The following CIRSR variants were observed in gnomAD, a reference collection of about 807,000 sequenced individuals.
The protein encoded by CIRSR is corepressor of RBPJ and splicing regulator, also known as CBF1 (RBPJ) interacting corepressor 1.
the CIRSR span, among the ~76,000 whole-genome samples, chr2:174,354,672 A>ATATATTTTTATATATTATATAATATATAT: frequency 1.0e-5 from 1 of 96,088 alleles, no homozygotes; most frequent in African/African-American, 4.2e-5. Flanking sequence ...AATATATATT[A>ATATATTTTTATATATTATATAATATATAT]TATATTTTAT....
the CIRSR span, chr2:174,351,657 C>T: frequency 1.9e-6 from 3 of 1,613,926 alleles, no homozygotes; most frequent in South Asian, 2.2e-5. Flanking sequence ...CTCCCCAGTA[C>T]ATTTCGTTTC....
the CIRSR span, among the ~76,000 whole-genome samples, chr2:174,393,377 T>C: frequency 9.2e-5 from 14 of 152,202 alleles, no homozygotes; most frequent in Non-Finnish European, 1.9e-4. Flanking sequence ...TTCACTCTTA[T>C]TTTTGGTGAA....
the CIRSR span, among the ~76,000 whole-genome samples, chr2:174,366,249 A>G: frequency 1.7e-4 from 26 of 152,220 alleles, no homozygotes; most frequent in Non-Finnish European, 3.5e-4. Context: ...TGGAAATAAT[A>G]GAAGAATAGA....
the CIRSR span, among the ~76,000 whole-genome samples, chr2:174,371,250 AAAT>A: frequency 6.6e-6 from 1 of 152,236 alleles, no homozygotes; most frequent in South Asian, 2.1e-4. Context: ...TGTATGCTTC[AAAT>A]AGGTAAATTG....
At chr2:174,376,246 C>G in the CIRSR span, among the ~76,000 whole-genome samples, 1 of 152,124 alleles carries the variant, frequency 6.6e-6, no homozygotes, top group African/African-American at 2.4e-5. Flanking sequence ...CTCATCTTCT[C>G]CCACCCAGGT....
the CIRSR span, among the ~76,000 whole-genome samples, chr2:174,359,954 G>GC: frequency 1.3e-5 from 2 of 152,104 alleles, no homozygotes; most frequent in Non-Finnish European, 2.9e-5. Flanking sequence ...GCAAACTATC[G>GC]CAAGGACAGA....
the CIRSR span, among the ~76,000 whole-genome samples, chr2:174,393,212 T>C: frequency 6.6e-6 from 1 of 151,994 alleles, no homozygotes; most frequent in African/African-American, 2.4e-5. Flanking sequence ...ACAAGAAGAC[T>C]AAAGAGCTTG....
the CIRSR span, among the ~76,000 whole-genome samples, chr2:174,362,322 AAAAC>A: frequency 6.6e-6 from 1 of 151,286 alleles, no homozygotes; most frequent in South Asian, 2.1e-4. Context: ...AACAAAAACA[AAAAC>A]AAAAACAAAA....
chr2:174,354,580 AT>A, the CIRSR span, among the ~76,000 whole-genome samples: 34 of 17,924 alleles, frequency 1.9e-3, no homozygotes, highest in African/African-American at 3.5e-3. Context: ...TATATTATAT[AT>A]TATATATATC....
chr2:174,362,686 C>CAAAAAAAAAAA, the CIRSR span, among the ~76,000 whole-genome samples: 2 of 20,682 alleles, frequency 9.7e-5, no homozygotes, highest in African/African-American at 2.1e-4. Context: ...GACTCTGCCT[C>CAAAAAAAAAAA]AAAAAAAAAA....
chr2:174,388,704 C>T, the CIRSR span, among the ~76,000 whole-genome samples: 1 of 152,192 alleles, frequency 6.6e-6, no homozygotes, highest in East Asian at 1.9e-4. Flanking sequence ...CACACACACG[C>T]ACACAAAATA....
chr2:174,373,744 G>T, the CIRSR span, among the ~76,000 whole-genome samples: 1 of 146,480 alleles, frequency 6.8e-6, no homozygotes. Context: ...TAGAAATGTT[G>T]AAAATGTCTT....
chr2:174,379,147 ATCTCCAGGG>A, the CIRSR span: 1 of 766,430 alleles, frequency 1.3e-6, no homozygotes, highest in South Asian at 1.6e-5. Flanking sequence ...TTTTTAAAAG[ATCTCCAGGG>A]AAAAAGACTC....
At chr2:174,382,690 C>G in the CIRSR span, among the ~76,000 whole-genome samples, 1 of 152,002 alleles carries the variant, frequency 6.6e-6, no homozygotes, top group African/African-American at 2.4e-5. Context: ...ATGATGGACT[C>G]AGTGTCTGGT....
chr2:174,355,940 G>T, the CIRSR span, among the ~76,000 whole-genome samples: 55 of 152,000 alleles, frequency 3.6e-4, no homozygotes, highest in East Asian at 0.011. Flanking sequence ...CAAACACTAG[G>T]TCCATCTGCT....
chr2:174,367,655 T>C, the CIRSR span, among the ~76,000 whole-genome samples: 4 of 147,172 alleles, frequency 2.7e-5, no homozygotes, highest in Admixed American at 1.4e-4. Context: ...GGTGGGAAGA[T>C]AGCTTAAGCC....
the CIRSR span, among the ~76,000 whole-genome samples, chr2:174,355,141 G>C: frequency 1.3e-5 from 2 of 152,060 alleles, no homozygotes; most frequent in Non-Finnish European, 2.9e-5. Context: ...AGGCTACGTA[G>C]AGTTACACTG....
At chr2:174,354,431 G>T in the CIRSR span, among the ~76,000 whole-genome samples, 6 of 94,086 alleles carry the variant, frequency 6.4e-5, no homozygotes, top group African/African-American at 2.2e-4. Context: ...TATATTATAT[G>T]ATATATATAA....
At chr2:174,377,405 T>C in the CIRSR span, among the ~76,000 whole-genome samples, 8 of 152,166 alleles carry the variant, frequency 5.3e-5, no homozygotes, top group African/African-American at 1.2e-4. Context: ...GTACCTGTAC[T>C]GGGGTATCAG....
Sources: allele counts gnomAD v4.1 joint callset (sites outside exome capture counted in the v4.1 genomes callset), GRCh38; gene constraint gnomAD v4.1.1; transcripts MANE v1.5; gene names NCBI Gene and HGNC (gene_info 2026-07-23, HGNC 2026-07-21).